Variants in RDX observed in about 807,000 individuals in gnomAD.
RDX encodes the protein radixin.
A neutral mutation model predicts 83.7 loss-of-function variants in RDX; 32 were observed. That is an observed-to-expected ratio of 0.38 (90% CI 0.29 to 0.51). RDX has a LOEUF of 0.51. RDX is among the 20% of genes least tolerant of loss of function. RDX has a pLI of 0.87. For synonymous variants in RDX, 229 were observed against 222.7 expected, an observed-to-expected ratio of 1.03 and a Z score of -0.25; for missense variants, 600 against 689.9, an observed-to-expected ratio of 0.87 and a Z score of 1.46.
intron 9 of RDX, among the ~76,000 whole-genome samples, chr11:110,249,847 C>G (rs933332893): frequency 6.6e-6 from 1 of 152,170 alleles, no homozygotes; most frequent in African/African-American, 2.4e-5. Context: ...GTGCCCCAGC[C>G]TGGCAGGCAA....
chr11:110,182,368 A>G (rs1281055687), intron 15 of RDX, among the ~76,000 whole-genome samples: 4 of 152,202 alleles, frequency 2.6e-5, no homozygotes, highest in Non-Finnish European at 5.9e-5. Context: ...TTGGGAAACC[A>G]AGGTCCTTGG....
intron 3 of RDX, among the ~76,000 whole-genome samples, chr11:110,271,558 A>G (rs1324340064): frequency 2.0e-5 from 3 of 152,194 alleles, no homozygotes; most frequent in African/African-American, 4.8e-5. Flanking sequence ...ATACAACATT[A>G]TCTGGGAAGC....
chr11:110,258,284 G>A lies in RDX; in HGVS notation c.468-95C>T, dbSNP rs910563341. On this transcript the variant is annotated intron_variant, in intron 5 of 13. Coordinates refer to ENST00000645495, the MANE Select transcript of RDX (RefSeq NM_002906.4). Reference sequence around the variant, plus strand: ...AGAATCCTTTCAGTAACTTGACTGTGGTAGTTGTCAGACAATTAATACACA... The same window carrying A: ...AGAATCCTTTCAGTAACTTGACTGTAGTAGTTGTCAGACAATTAATACACA... 62 of 791,824 alleles carry A rather than the reference G, an allele frequency of 7.8e-5. No homozygotes were observed. The South Asian group carries it at 9.8e-4, about 13-fold the overall frequency. The allele number at this position is 791,824 out of a possible 1,614,324, so 49.0% of individuals were successfully genotyped here.
chr11:110,214,759 CAT>C (rs1863969517), intron 14 of RDX, among the ~76,000 whole-genome samples: 1 of 91,046 alleles, frequency 1.1e-5, no homozygotes, highest in Admixed American at 1.2e-4. Flanking sequence ...CCAAACACCA[CAT>C]ATTCTCACTC....
rs1014659243 is a variant in RDX, at chr11:110,231,853, T to C, written c.*16A>G. Reference sequence around the variant, plus strand: ...TGGTTCAGCTTATGAAGAACATATATGCAAAATAACAGCTCTCACATTGCT... The same window carrying C: ...TGGTTCAGCTTATGAAGAACATATACGCAAAATAACAGCTCTCACATTGCT... On this transcript the variant is annotated 3_prime_UTR_variant, in exon 14 of 14. Coordinates refer to ENST00000645495, the MANE Select transcript of RDX (RefSeq NM_002906.4). 3.1e-6 allele frequency: 5 copies of C among 1,611,706 alleles called. No homozygotes were observed. The highest frequency in any genetic ancestry group is 1.7e-5 in the Admixed American group (1 of 59,998).
exon 16 of RDX, chr11:110,175,066 T>A (rs979650239): frequency 1.3e-5 from 2 of 152,174 alleles, no homozygotes; most frequent in Admixed American, 6.5e-5. Flanking sequence ...AGGCTTGTGG[T>A]GATGGGCTTG....
chr11:110,227,996 T>C (rs1211928550), downstream of RDX, among the ~76,000 whole-genome samples: 1 of 152,080 alleles, frequency 6.6e-6, no homozygotes, highest in African/African-American at 2.4e-5. Flanking sequence ...TTTTAACAGA[T>C]AAATGTAAAT....
At chr11:110,201,776 C>T (rs1230379779) in intron 14 of RDX, among the ~76,000 whole-genome samples, 2 of 152,150 alleles carry the variant, frequency 1.3e-5, no homozygotes, top group South Asian at 2.1e-4. Flanking sequence ...CCCTCTGTCA[C>T]CCAGGCTGGA....
intron 2 of RDX, among the ~76,000 whole-genome samples, chr11:110,275,202 T>C (rs1860463824): frequency 6.6e-6 from 1 of 152,188 alleles, no homozygotes; most frequent in Admixed American, 6.5e-5. Context: ...AATTTTAAGA[T>C]GGCCCCTGGT....
chr11:110,248,438 A>ATT lies in RDX; in HGVS notation c.960-607_960-606dup, dbSNP rs553486102. Among the ~76,000 whole-genome samples the ATT allele has an allele frequency of 1.9e-3, 288 of 152,310 alleles. 2 individuals carry two copies. Among genetic ancestry groups the ATT allele is most frequent in the African/African-American group, 6.8e-3 (281 of 41,576 alleles). ...TGTGCTGGGTTCCAATGTATTACTT[A>ATT]TTGTGGGTTCACAATAAAGACCACT... On this transcript the variant is annotated intron_variant, in intron 9 of 13. Transcript: ENST00000645495.
intron 13 of RDX, among the ~76,000 whole-genome samples, chr11:110,232,925 A>G (rs957266491): frequency 3.9e-5 from 6 of 152,212 alleles, no homozygotes; most frequent in Non-Finnish European, 7.3e-5. Context: ...CTCAATGTAC[A>G]TATTACTGAT....
chr11:110,229,271 A>T (rs1194698749), downstream of RDX, among the ~76,000 whole-genome samples: 1 of 152,018 alleles, frequency 6.6e-6, no homozygotes, highest in Non-Finnish European at 1.5e-5. Context: ...AGAATTAATC[A>T]CTATTACTTC....
chr11:110,202,418 T>C (rs895991759), intron 14 of RDX, among the ~76,000 whole-genome samples: 10 of 151,784 alleles, frequency 6.6e-5, no homozygotes, highest in South Asian at 2.1e-4. Flanking sequence ...TCTAGTTTAG[T>C]ATATTAACAT....
intron 10 of RDX, among the ~76,000 whole-genome samples, chr11:110,238,396 TACTA>T (rs1864947620): frequency 6.6e-6 from 1 of 152,202 alleles, no homozygotes; most frequent in Non-Finnish European, 1.5e-5. Context: ...AGTTTAACAG[TACTA>T]ACTTTAAATA....
intron 15 of RDX, chr11:110,179,903 C>CTTTTTTT (rs528601645): frequency 2.8e-4 from 101 of 364,504 alleles, no homozygotes; most frequent in South Asian, 5.2e-4. Flanking sequence ...TTTCTTTTTT[C>CTTTTTTT]TTTTTTTTTT....
intron 14 of RDX, among the ~76,000 whole-genome samples, chr11:110,224,320 T>C (rs1591124823): frequency 6.6e-6 from 1 of 152,156 alleles, no homozygotes; most frequent in Admixed American, 6.5e-5. Flanking sequence ...GATAAACTAT[T>C]GTTATAAGCA....
intron 1 of RDX, among the ~76,000 whole-genome samples, chr11:110,292,312 T>C (rs1861277119): frequency 6.7e-6 from 1 of 150,194 alleles, no homozygotes; most frequent in Non-Finnish European, 1.5e-5. Context: ...AAAAAAAAAT[T>C]AGCTAGGCAT....
chr11:110,283,236 C>T (rs745511039), intron 1 of RDX, among the ~76,000 whole-genome samples: 14 of 152,154 alleles, frequency 9.2e-5, no homozygotes, highest in Admixed American at 6.5e-5. Context: ...TCACTGCAAC[C>T]TCCGCCTTCC....
intron 14 of RDX, among the ~76,000 whole-genome samples, chr11:110,219,038 A>G (rs1359960346): frequency 3.3e-5 from 5 of 152,238 alleles, no homozygotes. Context: ...AATATATAGT[A>G]TGCTAGATGG....
Sources: allele counts gnomAD v4.1 joint callset (sites outside exome capture counted in the v4.1 genomes callset), GRCh38; gene constraint gnomAD v4.1.1; transcripts MANE v1.5; gene names NCBI Gene and HGNC (gene_info 2026-07-23, HGNC 2026-07-21).